The following HHAT variants were observed in gnomAD, a reference collection of about 807,000 sequenced individuals.
The protein encoded by HHAT is protein-cysteine N-palmitoyltransferase HHAT.
Under a neutral mutation model 70.8 loss-of-function variants are expected in HHAT, and 47 were observed. The ratio of observed to expected loss-of-function variants is 0.66; its 90% CI spans 0.53 to 0.85. The LOEUF is 0.85. Among genes scored for constraint, HHAT ranks in the 40% least tolerant of loss-of-function variants. HHAT has a pLI of 0.00. For missense variants in HHAT, 609 were observed against 604.8 expected, an observed-to-expected ratio of 1.01 and a Z score of -0.07; for synonymous variants, 228 against 247.6, an observed-to-expected ratio of 0.92 and a Z score of 0.74.
chr1:210,615,764 C>A (rs1667572450), intron 10 of HHAT, among the ~76,000 whole-genome samples: 1 of 152,234 alleles, frequency 6.6e-6, no homozygotes, highest in African/African-American at 2.4e-5. Flanking sequence ...TATTGCTGAA[C>A]AGCAAATGTT....
At position 210,601,937 on chromosome 1, in the gene HHAT, C is replaced by CAGAGAGAGAGAGAGAGAGAGAGAG. The variant is rs147826172; in HGVS notation, c.1245+13858_1245+13859insAGAGAGAGAGAGAGAGAGAGAGAG. 6.0e-3 allele frequency among the ~76,000 whole-genome samples: 879 copies of CAGAGAGAGAGAGAGAGAGAGAGAG among 147,276 alleles called. 22 individuals are homozygous for CAGAGAGAGAGAGAGAGAGAGAGAG. Among genetic ancestry groups the CAGAGAGAGAGAGAGAGAGAGAGAG allele is most frequent in the Admixed American group, 0.036 (529 of 14,754 alleles). ...TGGAGCCATGAGAATATTTGAGACT[C>CAGAGAGAGAGAGAGAGAGAGAGAG]AGAGAGAGAGAGAGAGAGAGTATGT... On this transcript the variant is annotated intron_variant, in intron 10 of 11. Transcript: ENST00000261458.
intron 7 of HHAT, among the ~76,000 whole-genome samples, chr1:210,437,418 C>T (rs1044354028): frequency 3.3e-5 from 5 of 151,760 alleles, no homozygotes; most frequent in South Asian, 4.2e-4. Context: ...GAATAAGGGA[C>T]GACTCTCTGG....
chr1:210,464,057 A>G (rs374996525), intron 7 of HHAT, among the ~76,000 whole-genome samples: 2 of 152,168 alleles, frequency 1.3e-5, no homozygotes, highest in East Asian at 1.9e-4. Flanking sequence ...CAAATAACCC[A>G]ATTGTATTCT....
chr1:210,356,463 C>G (rs575711862), intron 2 of HHAT, among the ~76,000 whole-genome samples: 2 of 151,794 alleles, frequency 1.3e-5, no homozygotes, highest in Non-Finnish European at 2.9e-5. Context: ...CCGGGGAGCC[C>G]TCATATTTAA....
At chr1:210,436,617 G>A (rs2093382277) in intron 7 of HHAT, among the ~76,000 whole-genome samples, 1 of 151,564 alleles carries the variant, frequency 6.6e-6, no homozygotes, top group Non-Finnish European at 1.5e-5. Context: ...CTGCTGTTGG[G>A]GTTCTTAACT....
chr1:210,451,553 T>C (rs927207397), intron 7 of HHAT, among the ~76,000 whole-genome samples: 3 of 152,174 alleles, frequency 2.0e-5, no homozygotes, highest in South Asian at 2.1e-4. Flanking sequence ...AAAACTGCTA[T>C]TTACACTTTG....
At chr1:210,422,563 G>A (rs1220807096) in intron 7 of HHAT, among the ~76,000 whole-genome samples, 1 of 152,006 alleles carries the variant, frequency 6.6e-6, no homozygotes, top group African/African-American at 2.4e-5. Context: ...TTCCATCTTT[G>A]TTGCCTCAAA....
chr1:210,448,140 C>G (rs2093672451), intron 7 of HHAT, among the ~76,000 whole-genome samples: 3 of 148,998 alleles, frequency 2.0e-5, no homozygotes, highest in African/African-American at 7.5e-5. Flanking sequence ...AATGCGGTAG[C>G]TCGATCTCAG....
intron 3 of HHAT, among the ~76,000 whole-genome samples, chr1:210,382,935 C>G (rs1023099560): frequency 6.6e-6 from 1 of 152,162 alleles, no homozygotes; most frequent in African/African-American, 2.4e-5. Context: ...AGGTTTGAAA[C>G]CCGGCTCTGC....
chr1:210,564,676 T>G (rs908071523), intron 9 of HHAT, among the ~76,000 whole-genome samples: 70 of 152,258 alleles, frequency 4.6e-4, no homozygotes, highest in African/African-American at 1.6e-3. Flanking sequence ...AAGCAGAAAT[T>G]ATCTAAAGAG....
chr1:210,405,003 A>G (rs1021633943), intron 6 of HHAT, among the ~76,000 whole-genome samples: 5 of 152,082 alleles, frequency 3.3e-5, no homozygotes, highest in Non-Finnish European at 7.4e-5. Context: ...CCAAGGAAAG[A>G]AAAAAATTTG....
chr1:210,450,945 G>T (rs567403999), intron 7 of HHAT, among the ~76,000 whole-genome samples: 1 of 152,072 alleles, frequency 6.6e-6, no homozygotes, highest in African/African-American at 2.4e-5. Flanking sequence ...AAATTAGCCG[G>T]GTGTGGTGGT....
chr1:210,529,788 C>G (rs568257737), intron 9 of HHAT, among the ~76,000 whole-genome samples: 2 of 152,192 alleles, frequency 1.3e-5, no homozygotes, highest in South Asian at 2.1e-4. Context: ...GTGCTGCCAG[C>G]GGTGTCACCA....
chr1:210,627,557 G>C (rs1162556327), intron 11 of HHAT, among the ~76,000 whole-genome samples: 1 of 152,118 alleles, frequency 6.6e-6, no homozygotes, highest in Non-Finnish European at 1.5e-5. Context: ...CTGCCCTGCT[G>C]TCTAAAGAGT....
At chr1:210,598,689 T>A (rs956360645) in intron 10 of HHAT, among the ~76,000 whole-genome samples, 4 of 152,212 alleles carry the variant, frequency 2.6e-5, no homozygotes, top group African/African-American at 9.6e-5. Context: ...CCGTGGCTGC[T>A]GTTGGAGGAT....
chr1:210,589,402 A>G (rs1319923850), intron 10 of HHAT: 1 of 152,240 alleles, frequency 6.6e-6, no homozygotes, highest in Non-Finnish European at 1.5e-5. Context: ...CTAACAGAAA[A>G]TGTTATTTCA....
At chr1:210,516,737 T>TAAA (rs35733551) in intron 9 of HHAT, among the ~76,000 whole-genome samples, 1 of 146,500 alleles carries the variant, frequency 6.8e-6, no homozygotes, top group African/African-American at 2.5e-5. Context: ...GTGTTTGGCA[T>TAAA]AAAAAAAAAA....
At chr1:210,570,949 C>T (rs902412138) in intron 9 of HHAT, among the ~76,000 whole-genome samples, 9 of 152,166 alleles carry the variant, frequency 5.9e-5, no homozygotes, top group African/African-American at 1.2e-4. Flanking sequence ...CCTTAAACCC[C>T]GTGCTTTGCA....
At chr1:210,588,509 T>C in intron 10 of HHAT, 1 of 159,932 alleles carries the variant, frequency 6.3e-6, no homozygotes, top group Admixed American at 5.9e-5. Context: ...ACTGAGTCCA[T>C]ACCTAACCAC....
Sources: allele counts gnomAD v4.1 joint callset (sites outside exome capture counted in the v4.1 genomes callset), GRCh38; gene constraint gnomAD v4.1.1; transcripts MANE v1.5; gene names NCBI Gene and HGNC (gene_info 2026-07-23, HGNC 2026-07-21).